LIMK2: variants seen among roughly 807,000 people sequenced by gnomAD.
The protein encoded by LIMK2 is LIM domain kinase 2.
LIMK2 carries 35 observed loss-of-function variants against 75.7 expected under a neutral mutation model. The ratio of observed to expected loss-of-function variants is 0.46; its 90% CI spans 0.35 to 0.61. The LOEUF (loss-of-function observed/expected upper bound fraction) is 0.61. LIMK2 is among the 20% of genes least tolerant of loss of function. The pLI is 0.00. For synonymous variants in LIMK2, 301 were observed against 319.2 expected (o/e 0.94, Z 0.61); for missense variants, 623 against 831.0 (o/e 0.75, Z 3.08).
chr22:31,223,987 C>T (rs1294745441), intron 1 of LIMK2, among the ~76,000 whole-genome samples: 1 of 152,172 alleles, frequency 6.6e-6, no homozygotes, highest in Non-Finnish European at 1.5e-5. Flanking sequence ...AGGAGCTGTG[C>T]TTTGTCTATT....
intron 7 of LIMK2, among the ~76,000 whole-genome samples, chr22:31,263,062 C>T (rs1171189461): frequency 1.3e-5 from 2 of 152,178 alleles, no homozygotes; most frequent in African/African-American, 4.8e-5. Flanking sequence ...GATGCTAAAC[C>T]CTGAAGGGCA....
intron 1 of LIMK2, among the ~76,000 whole-genome samples, chr22:31,218,766 C>T (rs1437083123): frequency 2.0e-5 from 3 of 152,166 alleles, no homozygotes; most frequent in Admixed American, 6.5e-5. Flanking sequence ...ACACCTGACC[C>T]GCCAGTTCCC....
At chr22:31,249,371 G>A (rs758108220) in intron 2 of LIMK2, among the ~76,000 whole-genome samples, 1 of 152,156 alleles carries the variant, frequency 6.6e-6, no homozygotes, top group African/African-American at 2.4e-5. Flanking sequence ...TGGAGCAATG[G>A]GCTTTAGAGT....
intron 1 of LIMK2, among the ~76,000 whole-genome samples, chr22:31,212,710 T>A (rs1206009471): frequency 6.6e-6 from 1 of 152,088 alleles, no homozygotes; most frequent in East Asian, 1.9e-4. Context: ...GAAGAGATTC[T>A]GGGTCTGCCA....
Position 31,248,695 on chromosome 22 carries a change from G to A in LIMK2, c.117-9596G>A, listed in dbSNP as rs752161327. 1.2e-5 allele frequency: 20 copies of A among 1,614,158 alleles called. No individual in the cohort carries two copies. The South Asian group carries it at 2.2e-4, about 18-fold the overall frequency. On this transcript the variant is annotated intron_variant, in intron 2 of 15. Transcript: ENST00000331728. ...CACAGACGGATTTGCAGCTGAGCCT[G>A]TCTATCTGGTGTGGGAAGAAGATGG... is the stretch of plus-strand genomic sequence containing the variant.
At chr22:31,253,477 G>A (rs75550461) in intron 2 of LIMK2, among the ~76,000 whole-genome samples, 1 of 152,344 alleles carries the variant, frequency 6.6e-6, no homozygotes, top group African/African-American at 2.4e-5. Flanking sequence ...ATATGAAGGA[G>A]GAGAATTGTG....
chr22:31,277,015 G>A (rs751945243), intron 15 of LIMK2: 4 of 1,613,852 alleles, frequency 2.5e-6, no homozygotes, highest in Admixed American at 1.7e-5. Context: ...GGAGAGTGAC[G>A]ATGCCTGGGC....
chr22:31,256,319 C>T (rs991118924), intron 2 of LIMK2, among the ~76,000 whole-genome samples: 3 of 148,250 alleles, frequency 2.0e-5, no homozygotes, highest in Admixed American at 6.8e-5. Flanking sequence ...TTTATATAAG[C>T]TATCTCTAGC....
intron 1 of LIMK2, among the ~76,000 whole-genome samples, chr22:31,225,431 A>C (rs184885228): frequency 2.6e-5 from 4 of 152,346 alleles, no homozygotes; most frequent in African/African-American, 9.6e-5. Flanking sequence ...AAGTTCTAGA[A>C]AAAGGCAAGT....
chr22:31,275,064 C>A, intron 14 of LIMK2, 87 bp from the exon 15 acceptor site: 1 of 1,238,436 alleles, frequency 8.1e-7, no homozygotes, highest in Non-Finnish European at 1.1e-6. Flanking sequence ...TGCCATTCTT[C>A]CTGTCCACAT....
chr22:31,250,054 TCTC>T (rs750670660), intron 2 of LIMK2, among the ~76,000 whole-genome samples: 1 of 152,152 alleles, frequency 6.6e-6, no homozygotes, highest in African/African-American at 2.4e-5. Context: ...TTTGTTTTCT[TCTC>T]CTAGTGGAGA....
intron 2 of LIMK2, among the ~76,000 whole-genome samples, chr22:31,238,178 T>A (rs572736466): frequency 6.8e-6 from 1 of 146,822 alleles, no homozygotes; most frequent in East Asian, 2.0e-4. Flanking sequence ...AAACAGAAAG[T>A]GAAAAGTTAG....
rs945304855 is a variant in LIMK2 at position 31,279,696 on chromosome 22, A to C, written c.*1255A>C. 2.6e-5 allele frequency: 4 copies of C among 152,214 alleles called. No homozygotes were observed. Among genetic ancestry groups the C allele is most frequent in the Non-Finnish European group, 4.4e-5 (3 of 68,048 alleles). 9.4% of individuals were successfully genotyped at this position (152,214 alleles called of 1,614,324 possible). ...CTCTTCTAAGTGTCTATGAGCTTGC[A>C]CCATATTTAATAAATTGGGAATGGG... On this transcript the variant is annotated 3_prime_UTR_variant, in exon 16 of 16. Transcript: ENST00000331728.
chr22:31,272,147 A>C (rs1398961282), intron 12 of LIMK2, among the ~76,000 whole-genome samples: 2 of 150,488 alleles, frequency 1.3e-5, no homozygotes, highest in African/African-American at 4.9e-5. Context: ...TGCAGCCTCT[A>C]CCTCCCGGGT....
chr22:31,275,410 C>A (rs1014580659), intron 15 of LIMK2, 102 bp downstream of exon 15: 4 of 1,186,188 alleles, frequency 3.4e-6, no homozygotes, highest in East Asian at 5.0e-5. Flanking sequence ...GTGAGAGAAG[C>A]CTTGAGGTCA....
At chr22:31,236,901 A>G (rs1212571709) in intron 2 of LIMK2, among the ~76,000 whole-genome samples, 1 of 148,004 alleles carries the variant, frequency 6.8e-6, no homozygotes, top group Non-Finnish European at 1.5e-5. Flanking sequence ...TGGGAGACAG[A>G]GCGAGACTCT....
intron 2 of LIMK2, among the ~76,000 whole-genome samples, chr22:31,240,579 A>G (rs979278862): frequency 1.3e-5 from 2 of 150,882 alleles, no homozygotes; most frequent in Non-Finnish European, 3.0e-5. Flanking sequence ...GCACACCCCC[A>G]CTCCTGGCTA....
At chr22:31,277,514 C>T in intron 15 of LIMK2, 1 of 1,028,098 alleles carries the variant, frequency 9.7e-7, no homozygotes, top group Non-Finnish European at 1.2e-6. Context: ...CCAAGGACCG[C>T]AGTCCTTCAG....
chr22:31,264,974 G>T (rs534895837), intron 7 of LIMK2, among the ~76,000 whole-genome samples: 1 of 151,278 alleles, frequency 6.6e-6, no homozygotes, highest in East Asian at 1.9e-4. Context: ...CAGATGGATC[G>T]CGAGATCAGG....
Sources: allele counts gnomAD v4.1 joint callset (sites outside exome capture counted in the v4.1 genomes callset), GRCh38; gene constraint gnomAD v4.1.1; transcripts MANE v1.5; gene names NCBI Gene and HGNC (gene_info 2026-07-23, HGNC 2026-07-21).